RSU1: variants seen among roughly 807,000 people sequenced by gnomAD.
The protein encoded by RSU1 is Ras suppressor protein 1.
Under a neutral mutation model 31.1 loss-of-function variants are expected in RSU1, and 26 were observed. That is an observed-to-expected ratio of 0.84 (90% confidence interval 0.61 to 1.16). The LOEUF is 1.16. RSU1 is among the 50% of genes most tolerant of loss of function. The pLI is 0.00. For synonymous variants in RSU1, 164 were observed against 136.3 expected (o/e 1.20, Z -1.41); for missense variants, 320 against 339.1 (o/e 0.94, Z 0.44).
chr10:16,638,398 A>G (rs1016819210), intron 8 of RSU1, among the ~76,000 whole-genome samples: 1 of 152,194 alleles, frequency 6.6e-6, no homozygotes, highest in East Asian at 1.9e-4. Context: ...CGTGGCCTCA[A>G]AAGACTTTGC....
At chr10:16,655,075 AG>A (rs142770461) in intron 8 of RSU1, among the ~76,000 whole-genome samples, 4,264 of 74,100 alleles carry the variant, frequency 0.058, 271 homozygotes, top group African/African-American at 0.21. Context: ...AAAAAAAAAA[AG>A]AGAGAGAGAG....
At chr10:16,673,060 T>G (rs1266413168) in intron 8 of RSU1, among the ~76,000 whole-genome samples, 1 of 151,984 alleles carries the variant, frequency 6.6e-6, no homozygotes, top group East Asian at 1.9e-4. Flanking sequence ...GGCAAGCTTA[T>G]TCTCCAAGGC....
intron 2 of RSU1, among the ~76,000 whole-genome samples, chr10:16,802,344 G>A (rs1838175089): frequency 6.6e-6 from 1 of 152,028 alleles, no homozygotes; most frequent in Admixed American, 6.5e-5. Flanking sequence ...ACCAACTGCT[G>A]GAAAGACATA....
intron 8 of RSU1, among the ~76,000 whole-genome samples, chr10:16,674,057 C>T (rs984932107): frequency 2.6e-5 from 4 of 152,120 alleles, no homozygotes; most frequent in African/African-American, 7.2e-5. Flanking sequence ...ACAGAGGTGT[C>T]TGTTAGGGGA....
intron 2 of RSU1, among the ~76,000 whole-genome samples, chr10:16,812,840 A>T (rs1243993136): frequency 6.6e-6 from 1 of 152,212 alleles, no homozygotes; most frequent in Non-Finnish European, 1.5e-5. Context: ...TTCTGTCTCT[A>T]TGGAAATGGA....
At chr10:16,714,016 G>A (rs1321765118) in intron 7 of RSU1, among the ~76,000 whole-genome samples, 1 of 152,168 alleles carries the variant, frequency 6.6e-6, no homozygotes, top group African/African-American at 2.4e-5. Context: ...TGGTCGTAGT[G>A]TGTGGTTTTG....
At chr10:16,657,820 C>A (rs928291098) in intron 8 of RSU1, among the ~76,000 whole-genome samples, 1 of 151,990 alleles carries the variant, frequency 6.6e-6, no homozygotes, top group Non-Finnish European at 1.5e-5. Flanking sequence ...TGGTGAAACC[C>A]GATCTCTACT....
At position 16,796,990 on chromosome 10, in the gene RSU1, G is replaced by A. The variant is rs115859304; in HGVS notation, c.110-14906C>T. 9.0e-3 allele frequency among the ~76,000 whole-genome samples: 1,369 copies of A among 152,242 alleles called. 16 individuals carry two copies. The highest frequency in any genetic ancestry group is 0.031 in the African/African-American group (1,286 of 41,538). On this transcript the variant is annotated intron_variant, in intron 2 of 8. Transcript: ENST00000345264. Reference sequence around the variant, plus strand: ...ACAAACTTGACAACTGAGAACCCCCGAATAGCTAAACAAATTCACCAGAAA... The same window carrying A: ...ACAAACTTGACAACTGAGAACCCCCAAATAGCTAAACAAATTCACCAGAAA...
At chr10:16,668,452 T>C (rs1835040714) in intron 8 of RSU1, among the ~76,000 whole-genome samples, 2 of 152,212 alleles carry the variant, frequency 1.3e-5, no homozygotes, top group South Asian at 4.1e-4. Context: ...TAGATCGTCT[T>C]GGGTTGGTCA....
chr10:16,781,311 A>G (rs1837644255), intron 3 of RSU1, among the ~76,000 whole-genome samples: 1 of 152,216 alleles, frequency 6.6e-6, no homozygotes, highest in Admixed American at 6.5e-5. Context: ...GCATTCATCT[A>G]TGCTAAGCAG....
intron 2 of RSU1, among the ~76,000 whole-genome samples, chr10:16,809,180 G>T (rs370248797): frequency 6.6e-6 from 1 of 152,110 alleles, no homozygotes; most frequent in Non-Finnish European, 1.5e-5. Context: ...AGCATCACAC[G>T]CTGATGGAAT....
At chr10:16,630,134 G>A (rs1834225026) in intron 8 of RSU1, among the ~76,000 whole-genome samples, 1 of 151,868 alleles carries the variant, frequency 6.6e-6, no homozygotes, top group African/African-American at 2.4e-5. Flanking sequence ...TCAAACTCCT[G>A]GGCTCAAGTG....
chr10:16,793,520 A>G (rs1837969391), intron 2 of RSU1, among the ~76,000 whole-genome samples: 1 of 152,222 alleles, frequency 6.6e-6, no homozygotes. Flanking sequence ...TATTTAAATT[A>G]TGGAGCCCAC....
chr10:16,604,126 G>A (rs1390521901), intron 8 of RSU1, among the ~76,000 whole-genome samples: 1 of 152,144 alleles, frequency 6.6e-6, no homozygotes, highest in African/African-American at 2.4e-5. Flanking sequence ...AACTAGCTGG[G>A]GATGACTCTG....
intron 7 of RSU1, among the ~76,000 whole-genome samples, chr10:16,711,750 T>A (rs886974891): frequency 6.6e-6 from 1 of 152,212 alleles, no homozygotes; most frequent in Non-Finnish European, 1.5e-5. Flanking sequence ...TTAGAAAAGA[T>A]ACTTGATAGG....
chr10:16,598,860 C>G (rs1833665663), intron 8 of RSU1, among the ~76,000 whole-genome samples: 1 of 152,190 alleles, frequency 6.6e-6, no homozygotes, highest in Admixed American at 6.5e-5. Context: ...CTGGGCCTGA[C>G]AGGGTGGCCT....
Position 16,809,596 on chromosome 10 carries a change from T to TA in RSU1, c.109+7376dup, listed in dbSNP as rs199945759. ...TTACATCATCCTTTGGTTTAAAAAA[T>TA]AAAAAAATTAACCCACCTGCACAAA... On this transcript the variant is annotated intron_variant, in intron 2 of 8. Coordinates refer to ENST00000345264, the MANE Select transcript of RSU1 (RefSeq NM_012425.4). Among the ~76,000 whole-genome samples, 5 of 152,126 alleles carry TA rather than the reference T, an allele frequency of 3.3e-5. No homozygotes were observed. The East Asian group carries it at 9.7e-4, about 29-fold the overall frequency.
intron 8 of RSU1, among the ~76,000 whole-genome samples, chr10:16,631,047 A>G (rs1158902752): frequency 6.6e-6 from 1 of 152,104 alleles, no homozygotes; most frequent in Non-Finnish European, 1.5e-5. Context: ...TTCTTATTTT[A>G]TGGTTTTTCA....
intron 7 of RSU1, among the ~76,000 whole-genome samples, chr10:16,726,304 T>C (rs1227256944): frequency 1.3e-5 from 2 of 148,658 alleles, no homozygotes; most frequent in Non-Finnish European, 3.0e-5. Flanking sequence ...AGTCTTGCTC[T>C]GTCACCAGGT....
Sources: allele counts gnomAD v4.1 joint callset (sites outside exome capture counted in the v4.1 genomes callset), GRCh38; gene constraint gnomAD v4.1.1; transcripts MANE v1.5; gene names NCBI Gene and HGNC (gene_info 2026-07-23, HGNC 2026-07-21).